Variants in RBM38 observed in about 807,000 individuals in gnomAD.
The protein encoded by RBM38 is RNA-binding protein 38.
A neutral mutation model predicts 23.5 loss-of-function variants in RBM38; 11 were observed. That is an observed-to-expected ratio of 0.47 (90% CI 0.29 to 0.77). The LOEUF (loss-of-function observed/expected upper bound fraction) is 0.77, where lower values mean the gene tolerates loss of function less well. Ranked by LOEUF, RBM38 falls within the 30% of genes least tolerant of loss-of-function variation. The pLI is 0.08. For missense variants in RBM38, 330 were observed against 351.9 expected (o/e 0.94, Z 0.50); for synonymous variants, 165 against 166.1 (o/e 0.99, Z 0.05).
intron 3 of RBM38, among the ~76,000 whole-genome samples, chr20:57,406,609 T>C (rs1389176656): frequency 2.6e-5 from 4 of 152,040 alleles, no homozygotes; most frequent in Non-Finnish European, 5.9e-5. Flanking sequence ...GTCACCGCCA[T>C]TGCACTCCTT....
chr20:57,395,177 T>C (rs1357554347), intron 3 of RBM38, among the ~76,000 whole-genome samples: 1 of 152,142 alleles, frequency 6.6e-6, no homozygotes, highest in Admixed American at 6.5e-5. Context: ...ATTCTTACTT[T>C]ATAGATGGGG....
At chr20:57,397,933 C>T (rs1473164497) in intron 3 of RBM38, among the ~76,000 whole-genome samples, 1 of 152,142 alleles carries the variant, frequency 6.6e-6, no homozygotes, top group East Asian at 1.9e-4. Context: ...GTCTCGAGTA[C>T]AGTGGTGGGG....
chr20:57,395,108 G>T (rs184784542), intron 3 of RBM38, among the ~76,000 whole-genome samples: 4 of 152,248 alleles, frequency 2.6e-5, no homozygotes, highest in African/African-American at 4.8e-5. Context: ...GGGTGCTCTG[G>T]CCTCCTCAGA....
At position 57,407,006 on chromosome 20, in the gene RBM38, A is replaced by AG. The variant is rs1367531995; in HGVS notation, c.417-537_417-536insG. On this transcript the variant is annotated intron_variant, in intron 3 of 3. Coordinates refer to ENST00000356208, the MANE Select transcript of RBM38 (RefSeq NM_017495.6). The surrounding 1 kb of genome is among the most constrained non-coding windows in gnomAD (Gnocchi z 4.0). ...GAGACTCTGTCTCAAAAAAAAAAAAAAAAACAAACCCTGTGAGGAGCAGGT... is the reference window on the plus strand; with the variant it reads ...GAGACTCTGTCTCAAAAAAAAAAAAAGAAAACAAACCCTGTGAGGAGCAGGT... Among the ~76,000 whole-genome samples, 5 of 151,664 alleles carry AG rather than the reference A, an allele frequency of 3.3e-5. No homozygotes were observed.
At chr20:57,393,191 G>A in intron 2 of RBM38, 88 bp from the exon 3 acceptor site, 2 of 1,284,746 alleles carry the variant, frequency 1.6e-6, no homozygotes, top group Non-Finnish European at 2.3e-6. Flanking sequence ...AGAGGTGTGT[G>A]GCTTGTGGGA....
rs771770763 is a variant in RBM38 at position 57,407,552 on chromosome 20, G to A, written c.426G>A (p.Pro142=). ...TLIQRTYGLT[P]HYIYPPAIVQ... ...CTGCTTGGCCCCACAGGCTGACCCC[G>A]CACTACATCTACCCACCAGCCATCG... Residue 142 remains proline (P), a synonymous_variant, in exon 4 of 4, where the codon CCG becomes CCA. Coordinates refer to ENST00000356208, the MANE Select transcript of RBM38 (RefSeq NM_017495.6). The surrounding 1 kb of genome is among the most constrained non-coding windows in gnomAD (Gnocchi z 4.0). 28 of 1,613,338 alleles carry A rather than the reference G, an allele frequency of 1.7e-5. 1 individual carries two copies. Among genetic ancestry groups the A allele is most frequent in the South Asian group, 2.2e-5 (2 of 91,026 alleles).
Position 57,407,451 on chromosome 20 carries a change from TG to T in RBM38, c.417-86del. On this transcript the variant is annotated intron_variant, in intron 3 of 3. Coordinates refer to ENST00000356208, the MANE Select transcript of RBM38 (RefSeq NM_017495.6). The surrounding 1 kb of genome is among the most constrained non-coding windows in gnomAD (Gnocchi z 4.0). ...CGATGAGGAAAGTCGGGGCTCGGGG[TG>T]GGGGGCGGCACGCATCGTGTACCCC... 7 of 1,387,488 alleles carry T rather than the reference TG, an allele frequency of 5.0e-6. No individual in the cohort carries two copies. The highest frequency in any genetic ancestry group is 5.0e-5 in the East Asian group (2 of 39,904). 85.9% of individuals were successfully genotyped at this position (1,387,488 alleles called of 1,614,324 possible).
Position 57,407,363 on chromosome 20 carries a change from A to T in RBM38, c.417-180A>T, listed in dbSNP as rs187416726. ...AGGGAGCCTGGTGGTTAGTGCAGAC[A>T]GTCAGTGCGAAGGCCTTGAGGCGGC... On this transcript the variant is annotated intron_variant, in intron 3 of 3. Transcript: ENST00000356208. This position sits in a 1 kb window ranked among gnomAD's most constrained non-coding sequence, Gnocchi z 4.0. 6.6e-6 allele frequency among the ~76,000 whole-genome samples: 1 copy of T among 152,154 alleles called. No individual in the cohort carries two copies. Among genetic ancestry groups the T allele is most frequent in the Non-Finnish European group, 1.5e-5 (1 of 68,008 alleles).
rs370799287 is a variant in RBM38, at chr20:57,395,506, G to A, written c.416+2173G>A. On this transcript the variant is annotated intron_variant, in intron 3 of 3. Transcript: ENST00000356208. The stretch of plus-strand genomic sequence containing the variant: ...TGGCTGGCCATTTAATACTTGTGAC[G>A]ATGAAGAGGCCGCAGACTCTATTTG... 3.0e-3 allele frequency among the ~76,000 whole-genome samples: 460 copies of A among 152,328 alleles called. 2 individuals carry two copies. Among genetic ancestry groups the A allele is most frequent in the African/African-American group, 0.01 (429 of 41,566 alleles).
At chr20:57,392,227 C>T (rs2067227002) in intron 1 of RBM38, 2 of 350,068 alleles carry the variant, frequency 5.7e-6, no homozygotes, top group Admixed American at 4.2e-5. Context: ...TCAGCCGCCC[C>T]AAATAAACAT....
chr20:57,393,359 TG>T lies in RBM38; in HGVS notation c.416+29del, dbSNP rs988103607. 5 of 1,611,226 alleles carry T rather than the reference TG, an allele frequency of 3.1e-6. No individual in the cohort carries two copies. In the Admixed American group the frequency reaches 5.0e-5, roughly 16 times the overall value. ...GTGAGTGGACATGGCTGGCTTGGGG[TG>T]GGTAGTCCGTGGAGATGAAGTGGAG... On this transcript the variant is annotated intron_variant, in intron 3 of 3. Coordinates refer to ENST00000356208, the MANE Select transcript of RBM38 (RefSeq NM_017495.6).
intron 3 of RBM38, among the ~76,000 whole-genome samples, chr20:57,405,450 G>T (rs2067373341): frequency 6.6e-6 from 1 of 152,246 alleles, no homozygotes; most frequent in Non-Finnish European, 1.5e-5. Context: ...CCACTGCGGG[G>T]TTCCTGGCAG....
In RBM38 at chr20:57,393,244, G is replaced by A. The variant is rs748513106; in HGVS notation, c.362-35G>A. On this transcript the variant is annotated intron_variant, in intron 2 of 3. Coordinates refer to ENST00000356208, the MANE Select transcript of RBM38 (RefSeq NM_017495.6). The stretch of plus-strand genomic sequence containing the variant: ...CAGCCCTTGAGACGTGGCTCGTGCA[G>A]CAAGGCCAAGTCCCTGATTGTTCTC... 65 of 1,608,630 alleles carry A rather than the reference G, an allele frequency of 4.0e-5. No individual in the cohort carries two copies. The Admixed American group carries it at 1.1e-3, about 26-fold the overall frequency.
rs373297597 is a variant in RBM38 at position 57,407,819 on chromosome 20, G to A, written c.693G>A (p.Pro231=). The A allele has an allele frequency of 4.1e-5, 65 of 1,580,088 alleles. No homozygotes were observed. In the Admixed American group the frequency reaches 7.4e-4, roughly 18 times the overall value. Residue 231 remains proline (P), a synonymous_variant, in exon 4 of 4, where the codon CCG becomes CCA. Transcript: ENST00000356208. This position sits in a 1 kb window ranked among gnomAD's most constrained non-coding sequence, Gnocchi z 4.0. ...AGTTFVQYQA[P]QLQPDRMQ Reference sequence around the variant, plus strand: ...CCACTTTCGTGCAGTACCAGGCGCCGCAGCTGCAGCCTGACAGGATGCAGT... The same window carrying A: ...CCACTTTCGTGCAGTACCAGGCGCCACAGCTGCAGCCTGACAGGATGCAGT...
intron 3 of RBM38, among the ~76,000 whole-genome samples, chr20:57,401,088 C>T (rs1475254933): frequency 6.6e-6 from 1 of 151,358 alleles, no homozygotes; most frequent in Non-Finnish European, 1.5e-5. Flanking sequence ...CGCCTGGCCG[C>T]TGGTCTGTTT....
chr20:57,395,752 C>T (rs1367743710), intron 3 of RBM38, among the ~76,000 whole-genome samples: 1 of 152,062 alleles, frequency 6.6e-6, no homozygotes, highest in Non-Finnish European at 1.5e-5. Context: ...CCCCCGCCCG[C>T]TGACGGAGCT....
At chr20:57,402,082 G>A (rs1364553568) in intron 3 of RBM38, among the ~76,000 whole-genome samples, 1 of 152,124 alleles carries the variant, frequency 6.6e-6, no homozygotes, top group Admixed American at 6.5e-5. Flanking sequence ...TGAGTAGCTG[G>A]GATTACAGGC....
At position 57,391,557 on chromosome 20, in the gene RBM38, G is replaced by C. The variant is rs2067214272; in HGVS notation, c.-25G>C. 9.9e-7 allele frequency: 1 copy of C among 1,011,304 alleles called. No individual in the cohort carries two copies. Among genetic ancestry groups the C allele is most frequent in the Non-Finnish European group, 1.2e-6 (1 of 821,780 alleles). The allele number at this position is 1,011,304 out of a possible 1,614,324, so 62.6% of individuals were successfully genotyped here. A position where few individuals can be genotyped will look rare whatever the true frequency, so the allele number is the denominator to read the frequency against. On this transcript the variant is annotated 5_prime_UTR_variant, in exon 1 of 4. Transcript: ENST00000356208. ...ATGAGCGCAGCCCCGCGCGGCCCGG[G>C]TCCGTAGGCGGCGGGGCGCCCCCCA...
Position 57,408,856 on chromosome 20 carries a change from G to C in RBM38, c.*1010G>C, listed in dbSNP as rs1344702369. 1 of 152,726 alleles carries C rather than the reference G, an allele frequency of 6.5e-6. No homozygotes were observed. The highest frequency in any genetic ancestry group is 2.4e-5 in the African/African-American group (1 of 41,472). 9.5% of individuals were successfully genotyped at this position (152,726 alleles called of 1,614,324 possible). ...CAACTCCCCAAACACTGTGGAAGGGGAGAAGGAAGTGATCCACAGCATTCA... is the reference window on the plus strand; with the variant it reads ...CAACTCCCCAAACACTGTGGAAGGGCAGAAGGAAGTGATCCACAGCATTCA... On this transcript the variant is annotated 3_prime_UTR_variant, in exon 4 of 4. Transcript: ENST00000356208.
Sources: allele counts gnomAD v4.1 joint callset (sites outside exome capture counted in the v4.1 genomes callset), GRCh38; gene constraint gnomAD v4.1.1; non-coding constraint Gnocchi (gnomAD v3.1); transcripts MANE v1.5; gene names NCBI Gene and HGNC (gene_info 2026-07-23, HGNC 2026-07-21).